Variants in ZNF45 observed in about 807,000 individuals in gnomAD.
ZNF45 encodes the protein BRC1744.
Under a neutral mutation model 12.0 loss-of-function variants are expected in ZNF45, and 4 were observed. The observed-to-expected ratio is 0.33, with a 90% CI of 0.16 to 0.76. The LOEUF is 0.76. Among genes scored for constraint, ZNF45 ranks in the 30% least tolerant of loss-of-function variants. The pLI is 0.60. For synonymous variants in ZNF45, 272 were observed against 279.6 expected, an observed-to-expected ratio of 0.97 and a Z score of 0.27; for missense variants, 700 against 813.0, an observed-to-expected ratio of 0.86 and a Z score of 1.69.
In ZNF45 at chr19:43,924,493, G is replaced by T. The variant is rs1453560321; in HGVS notation, c.-197C>A. ...AGCTGAGGCTTGGTGAGGTCAAGAGGCAGGAACAGTACCTGAATCCAGCTT... is the reference window on the plus strand; with the variant it reads ...AGCTGAGGCTTGGTGAGGTCAAGAGTCAGGAACAGTACCTGAATCCAGCTT... On this transcript the variant is annotated 5_prime_UTR_variant, in exon 5 of 10. It introduces an in-frame stop codon into an upstream open reading frame of the 5' UTR. Transcript: ENST00000269973. 2.0e-5 allele frequency: 3 copies of T among 152,206 alleles called. No homozygotes were observed. The East Asian group carries it at 5.8e-4, about 29-fold the overall frequency. 9.4% of individuals were successfully genotyped at this position (152,206 alleles called of 1,614,324 possible).
chr19:43,924,386 G>T lies in ZNF45; in HGVS notation c.-106+16C>A, dbSNP rs1973497230. On this transcript the variant is annotated intron_variant, in intron 5 of 9. Coordinates refer to ENST00000269973, the MANE Select transcript of ZNF45 (RefSeq NM_003425.4). ...GAATCAATGAGTGAATTTATGCAATGCCCTTGGCATAGTACCTGGCATTTT... is the reference window on the plus strand; with the variant it reads ...GAATCAATGAGTGAATTTATGCAATTCCCTTGGCATAGTACCTGGCATTTT... 6.6e-6 allele frequency: 1 copy of T among 152,206 alleles called. No homozygotes were observed. Among genetic ancestry groups the T allele is most frequent in the Non-Finnish European group, 1.5e-5 (1 of 68,048 alleles). The allele number at this position is 152,206 out of a possible 1,614,324, so 9.4% of individuals were successfully genotyped here.
rs1972349935 is a variant in ZNF45 at position 43,913,276 on chromosome 19, G to C, written c.*111C>G. The C allele has an allele frequency of 7.1e-6, 9 of 1,273,750 alleles. No individual in the cohort carries two copies. Among genetic ancestry groups the C allele is most frequent in the Non-Finnish European group, 9.7e-6 (9 of 931,166 alleles). 78.9% of individuals were successfully genotyped at this position (1,273,750 alleles called of 1,614,324 possible). ...CTCTTGTGAGGCTTCTCTGCTGTGT[G>C]GTCTCCCAATCACTTGGCTGAACTA... On this transcript the variant is annotated 3_prime_UTR_variant, in exon 10 of 10. Coordinates refer to ENST00000269973, the MANE Select transcript of ZNF45 (RefSeq NM_003425.4).
intron 3 of ZNF45, chr19:43,929,927 A>C (rs1006780870): frequency 2.0e-5 from 3 of 152,386 alleles, no homozygotes; most frequent in Admixed American, 6.5e-5. Flanking sequence ...CCTCTTCTGC[A>C]TAGGCTGACT....
intron 3 of ZNF45, 52 bp downstream of exon 3, chr19:43,932,552 C>T (rs1974213964): frequency 6.6e-6 from 1 of 152,198 alleles, no homozygotes; most frequent in African/African-American, 2.4e-5. Context: ...TAATTGCAAG[C>T]TGTAGCACCC....
intron 9 of ZNF45, among the ~76,000 whole-genome samples, chr19:43,917,782 G>A (rs1426562364): frequency 1.3e-5 from 2 of 152,110 alleles, no homozygotes; most frequent in Non-Finnish European, 2.9e-5. Flanking sequence ...CACCATGACT[G>A]GCTGCAAGTT....
Position 43,930,658 on chromosome 19 carries a change from G to A in ZNF45, c.-400+1946C>T, listed in dbSNP as rs1228780803. The stretch of plus-strand genomic sequence containing the variant: ...GAGCTCTCTATAAGAGGAAAGGGCT[G>A]CAGAATGACTGGTAATGCCTCTGGA... On this transcript the variant is annotated intron_variant, in intron 3 of 9. Transcript: ENST00000269973. Among the ~76,000 whole-genome samples, 4 of 152,180 alleles carry A rather than the reference G, an allele frequency of 2.6e-5. 1 individual carries two copies.
In ZNF45 at chr19:43,914,371, T is replaced by C. The variant is rs781336474; in HGVS notation, c.1065A>G (p.Thr355=). 3.1e-6 allele frequency: 5 copies of C among 1,612,026 alleles called. No individual in the cohort carries two copies. Among genetic ancestry groups the C allele is most frequent in the African/African-American group, 2.7e-5 (2 of 74,876 alleles). ...SHLNIHCRIH[T]GEKPYKCEEC... ...CCTCACACTTATAGGGTTTCTCTCC[T>C]GTGTGGATTCTACAATGAATATTAA... Residue 355 remains threonine (T), a synonymous_variant, in exon 10 of 10, where the codon ACA becomes ACG. Coordinates refer to ENST00000269973, the MANE Select transcript of ZNF45 (RefSeq NM_003425.4).
In ZNF45 at chr19:43,913,621, G is replaced by C; in HGVS notation, c.1815C>G (p.Val605=). Residue 605 remains valine, a synonymous_variant, in exon 10 of 10, where the codon GTC becomes GTG. Coordinates refer to ENST00000269973, the MANE Select transcript of ZNF45 (RefSeq NM_003425.4). ...QRSYLQAHQR[V]HTGERPYKCE... ...ATTTGTATGGTCTCTCTCCTGTGTG[G>C]ACCCTCTGGTGGGCTTGAAGGTAGG... 1 of 1,614,052 alleles carries C rather than the reference G, an allele frequency of 6.2e-7. No homozygotes were observed. Among genetic ancestry groups the C allele is most frequent in the Non-Finnish European group, 8.5e-7 (1 of 1,180,026 alleles).
chr19:43,919,374 T>G (rs1972944265), intron 8 of ZNF45, among the ~76,000 whole-genome samples, 199 bp downstream of exon 8: 1 of 152,226 alleles, frequency 6.6e-6, no homozygotes, highest in Non-Finnish European at 1.5e-5. Flanking sequence ...AGTGTATAGT[T>G]GTCATGCTGT....
At chr19:43,930,852 A>G (rs1479181819) in intron 3 of ZNF45, among the ~76,000 whole-genome samples, 1 of 152,122 alleles carries the variant, frequency 6.6e-6, no homozygotes, top group African/African-American at 2.4e-5. Flanking sequence ...CTTTAACCCA[A>G]CATATCCAAA....
At chr19:43,922,949 C>T (rs2146998220) in intron 6 of ZNF45, among the ~76,000 whole-genome samples, 2 of 151,696 alleles carry the variant, frequency 1.3e-5, no homozygotes, top group East Asian at 3.9e-4. Context: ...CCTCAGCCTC[C>T]CAAGTAGCTG....
intron 6 of ZNF45, among the ~76,000 whole-genome samples, chr19:43,923,170 G>A (rs1047063967): frequency 2.6e-5 from 4 of 151,840 alleles, no homozygotes; most frequent in Admixed American, 6.6e-5. Flanking sequence ...CTTTAACCTC[G>A]CCTTTAACCT....
chr19:43,929,914 C>G (rs1445977878), intron 3 of ZNF45: 1 of 152,206 alleles, frequency 6.6e-6, no homozygotes, highest in African/African-American at 2.4e-5. Context: ...AAACTGCTAC[C>G]AACCTCTTCT....
intron 3 of ZNF45, among the ~76,000 whole-genome samples, chr19:43,930,352 G>C (rs1222375262): frequency 6.6e-6 from 1 of 152,166 alleles, no homozygotes; most frequent in Non-Finnish European, 1.5e-5. Context: ...AGCAGCAGGT[G>C]GGGGAATCCC....
Position 43,913,810 on chromosome 19 carries a change from C to T in ZNF45, c.1626G>A (p.Gln542=), listed in dbSNP as rs1005915732. The change falls in exon 10 of 10, where the codon CAG becomes CAA. Residue 542 remains glutamine (Q), a synonymous_variant. Transcript: ENST00000269973. ...ECGKGFSVGS[Q]LQAHQRCHTG... is the part of the protein sequence containing the mutation. ...TGTGGCACCTCTGATGGGCTTGAAG[C>T]TGTGAACCTACACTGAAGCCCTTCC... 6.2e-7 allele frequency: 1 copy of T among 1,600,934 alleles called. No homozygotes were observed. The highest frequency in any genetic ancestry group is 1.7e-5 in the Admixed American group (1 of 58,744).
chr19:43,925,320 C>T lies in ZNF45; in HGVS notation c.-266+5G>A, dbSNP rs1973588191. The T allele has an allele frequency of 6.6e-6, 1 of 152,234 alleles. No homozygotes were observed. Among genetic ancestry groups the T allele is most frequent in the African/African-American group, 2.4e-5 (1 of 41,446 alleles). The allele number at this position is 152,234 out of a possible 1,614,324, so 9.4% of individuals were successfully genotyped here. On this transcript the variant is annotated splice_donor_5th_base_variant and intron_variant, in intron 4 of 9. Transcript: ENST00000269973. ...ATAGCAGCACAAATGGACTAAGGCACTCACGGAGTCTGCAGCTTCACATGG... is the reference window on the plus strand; with the variant it reads ...ATAGCAGCACAAATGGACTAAGGCATTCACGGAGTCTGCAGCTTCACATGG...
Position 43,914,172 on chromosome 19 carries a change from C to G in ZNF45, c.1264G>C (p.Gly422Arg). Reference sequence around the variant, plus strand: ...TCTGAGCTACGACTGAAGCCCTTACCACATGCATCACACTGATACGGTTTC... The same window carrying G: ...TCTGAGCTACGACTGAAGCCCTTACGACATGCATCACACTGATACGGTTTC... ...GEKPYQCDAC[G>R]KGFSRSSDFN... is the part of the protein sequence containing the mutation. Residue 422 changes from glycine to arginine, a missense_variant, in exon 10 of 10, where the codon GGT (glycine) becomes CGT (arginine). By Grantham distance (125) the Gly-to-Arg change is moderately radical. Transcript: ENST00000269973. The G allele has an allele frequency of 4.4e-6, 7 of 1,608,410 alleles. No homozygotes were observed. Among genetic ancestry groups the G allele is most frequent in the Non-Finnish European group, 6.0e-6 (7 of 1,175,642 alleles).
intron 9 of ZNF45, among the ~76,000 whole-genome samples, chr19:43,918,048 G>A (rs1161113889): frequency 6.6e-6 from 1 of 152,092 alleles, no homozygotes; most frequent in Non-Finnish European, 1.5e-5. Context: ...TATTTGAATA[G>A]GGACTACTAA....
In ZNF45 at chr19:43,913,907, C is replaced by T. The variant is rs753658760; in HGVS notation, c.1529G>A (p.Ser510Asn). Reference sequence around the variant, plus strand: ...ATGCACCTGAAGGCTGGAGAACTGACTGAAGGCCTTACCACACCTCTCGCA... The same window carrying T: ...ATGCACCTGAAGGCTGGAGAACTGATTGAAGGCCTTACCACACCTCTCGCA... ...YKCERCGKAF[S>N]QFSSLQVHQR... is the part of the protein sequence containing the mutation. The change falls in exon 10 of 10, where the codon AGT (serine) becomes AAT (asparagine). Residue 510 changes from serine to asparagine, a missense_variant. Ser to Asn is a conservative substitution (Grantham distance 46, BLOSUM62 1). Coordinates refer to ENST00000269973, the MANE Select transcript of ZNF45 (RefSeq NM_003425.4). The T allele has an allele frequency of 1.9e-6, 3 of 1,603,096 alleles. No homozygotes were observed. Among genetic ancestry groups the T allele is most frequent in the African/African-American group, 1.3e-5 (1 of 74,742 alleles).
Sources: gnomAD v4.1 joint callset for allele counts (sites outside exome capture counted in the v4.1 genomes callset) on GRCh38, gnomAD v4.1.1 for gene constraint, MANE v1.5 for transcripts, NCBI Gene and HGNC (gene_info 2026-07-23, HGNC 2026-07-21) for gene names.